The following DPP6 variants were observed in gnomAD, a reference collection of about 807,000 sequenced individuals.
The protein encoded by DPP6 is A-type potassium channel modulatory protein DPP6.
Under a neutral mutation model 122.6 loss-of-function variants are expected in DPP6, and 69 were observed. That is an observed-to-expected ratio of 0.56 (90% CI 0.46 to 0.69). The LOEUF (loss-of-function observed/expected upper bound fraction) is 0.69. Among genes scored for constraint, DPP6 ranks in the 30% least tolerant of loss-of-function variants. The probability of loss-of-function intolerance (pLI) is 0.00; values close to 1 mark genes in which losing one functional copy is unlikely to be tolerated. For synonymous variants in DPP6, 418 were observed against 433.1 expected (o/e 0.97, Z 0.43); for missense variants, 928 against 1,116.9 (o/e 0.83, Z 2.41).
chr7:154,678,403 A>G (rs1839062460), intron 7 of DPP6, among the ~76,000 whole-genome samples: 1 of 152,180 alleles, frequency 6.6e-6, no homozygotes, highest in Admixed American at 6.5e-5. Context: ...TGAGACCACA[A>G]ACCCACAGGG....
At chr7:153,970,246 C>A (rs1795959041) in intron 1 of DPP6, among the ~76,000 whole-genome samples, 1 of 152,154 alleles carries the variant, frequency 6.6e-6, no homozygotes, top group South Asian at 2.1e-4. Context: ...TAGAAACTGG[C>A]AGATTGTGAC....
At chr7:154,566,705 C>A in intron 4 of DPP6, 137 bp from the exon 5 acceptor site, 8 of 582,592 alleles carry the variant, frequency 1.4e-5, no homozygotes, top group South Asian at 6.8e-5. Context: ...AAATATTATT[C>A]AGCTAACAAA....
At position 153,905,021 on chromosome 7, in the gene DPP6, A is replaced by G. The variant is rs932229543; in HGVS notation, c.51+17287A>G. 5.3e-5 allele frequency among the ~76,000 whole-genome samples: 8 copies of G among 152,238 alleles called. No individual in the cohort carries two copies. In the East Asian group the frequency reaches 1.5e-3, roughly 29 times the overall value. The stretch of plus-strand genomic sequence containing the variant: ...GCACAAAGGGTCTGATCTAATGCCA[A>G]TACAGTGAGGGGGAAAGCCCAGTAA... On this transcript the variant is annotated intron_variant, in intron 1 of 25. Transcript: ENST00000404039.
At chr7:154,590,637 C>T (rs780835920) in intron 5 of DPP6, among the ~76,000 whole-genome samples, 65 of 145,764 alleles carry the variant, frequency 4.5e-4, no homozygotes, top group Admixed American at 1.9e-3. Flanking sequence ...CAGGTTCAAA[C>T]AATTCTCCTG....
At chr7:153,789,070 A>T in the DPP6 span, among the ~76,000 whole-genome samples, 1 of 152,188 alleles carries the variant, frequency 6.6e-6, no homozygotes, top group Non-Finnish European at 1.5e-5. Flanking sequence ...CTTGGAAGAA[A>T]ATCGAGGTGT....
intron 2 of DPP6, among the ~76,000 whole-genome samples, chr7:154,474,329 C>T (rs1338700951): frequency 6.6e-6 from 1 of 152,214 alleles, no homozygotes; most frequent in Non-Finnish European, 1.5e-5. Context: ...TGAGTGTGTT[C>T]ACAGGCTTAT....
chr7:154,868,234 G>C (rs1005253756), intron 18 of DPP6, 141 bp downstream of exon 18: 1 of 1,178,206 alleles, frequency 8.5e-7, no homozygotes, highest in Admixed American at 2.8e-5. Flanking sequence ...AGCTCCTCTG[G>C]CATGGAGTGT....
chr7:153,938,949 A>G (rs1801579019), intron 1 of DPP6, among the ~76,000 whole-genome samples: 1 of 152,204 alleles, frequency 6.6e-6, no homozygotes, highest in Non-Finnish European at 1.5e-5. Flanking sequence ...ACACAAAAGT[A>G]CTTTTTCAAA....
chr7:154,887,847 C>T (rs768601743), intron 23 of DPP6, 113 bp downstream of exon 23: 2 of 1,249,056 alleles, frequency 1.6e-6, no homozygotes, highest in South Asian at 2.4e-5. Context: ...CATGCTTCTC[C>T]CTCACCAGCA....
chr7:154,686,326 C>A (rs1435807889), intron 7 of DPP6, among the ~76,000 whole-genome samples: 1 of 151,934 alleles, frequency 6.6e-6, no homozygotes, highest in Non-Finnish European at 1.5e-5. Context: ...CTATGAGAAG[C>A]CTTTGAACAC....
At chr7:154,016,042 T>C (rs1450386196) in intron 1 of DPP6, among the ~76,000 whole-genome samples, 2 of 152,186 alleles carry the variant, frequency 1.3e-5, no homozygotes, top group Non-Finnish European at 2.9e-5. Context: ...TCCTCGAATA[T>C]ATCACATTCC....
At chr7:154,073,017 T>C (rs1349111647) in intron 1 of DPP6, among the ~76,000 whole-genome samples, 3 of 152,164 alleles carry the variant, frequency 2.0e-5, no homozygotes, top group Admixed American at 6.5e-5. Flanking sequence ...TCCACCCTCC[T>C]GTGAGTCCTC....
chr7:153,890,266 C>T (rs6956403), intron 1 of DPP6, among the ~76,000 whole-genome samples: 1,921 of 152,304 alleles, frequency 0.013, 47 homozygotes, highest in African/African-American at 0.044. Flanking sequence ...TGTCTGGACT[C>T]GCATTTGAGG....
At chr7:154,797,121 CAGAG>C (rs1400750457) in intron 12 of DPP6, among the ~76,000 whole-genome samples, 2 of 152,182 alleles carry the variant, frequency 1.3e-5, no homozygotes, top group African/African-American at 4.8e-5. Context: ...GACAAATTGT[CAGAG>C]AGATTACAAT....
rs199764767 is a variant in DPP6 at position 154,384,740 on chromosome 7, TTA to T, written c.244-61472_244-61471del. 8.8e-3 allele frequency among the ~76,000 whole-genome samples: 801 copies of T among 91,282 alleles called. 6 individuals carry two copies. The highest frequency in any genetic ancestry group is 0.014 in the African/African-American group (462 of 32,240). The allele number at this position is 91,282 out of a possible 152,430, so 59.9% of individuals were successfully genotyped here. A position where few individuals can be genotyped will look rare whatever the true frequency, so the allele number is the denominator to read the frequency against. On this transcript the variant is annotated intron_variant, in intron 1 of 25. Coordinates refer to ENST00000377770, the MANE Select transcript of DPP6 (RefSeq NM_130797.4). The stretch of plus-strand genomic sequence containing the variant: ...TTTTTTCTTTCTTTCTTTCTTTCTT[TTA>T]TTTTTTTTTGAGACAGAGTCTCGCT...
chr7:154,427,169 C>T (rs1016348641), intron 1 of DPP6, among the ~76,000 whole-genome samples: 8 of 152,160 alleles, frequency 5.3e-5, no homozygotes, highest in Admixed American at 4.6e-4. Context: ...CACATAAATG[C>T]ATGGTGTCGA....
chr7:153,887,484 T>A, exon 1 of DPP6: 1 of 525,534 alleles, frequency 1.9e-6, no homozygotes, highest in Non-Finnish European at 3.4e-6. Flanking sequence ...AAGAGTTGAT[T>A]GCTATTGGGA....
intron 1 of DPP6, among the ~76,000 whole-genome samples, chr7:153,920,552 TTTATCTCTCTC>T (rs1800583718): frequency 8.9e-6 from 1 of 112,674 alleles, no homozygotes; most frequent in South Asian, 3.6e-4. Context: ...ACCTTTTTCT[TTTATCTCTCTC>T]TTTTTTTTTT....
chr7:154,642,543 T>C (rs572123683), intron 6 of DPP6, among the ~76,000 whole-genome samples: 4 of 152,138 alleles, frequency 2.6e-5, no homozygotes, highest in African/African-American at 9.6e-5. Context: ...TGAGCTGAGA[T>C]TGTACCATTG....
Sources: gnomAD v4.1 joint callset for allele counts (sites outside exome capture counted in the v4.1 genomes callset) on GRCh38, gnomAD v4.1.1 for gene constraint, MANE v1.5 for transcripts, NCBI Gene and HGNC (gene_info 2026-07-23, HGNC 2026-07-21) for gene names.